CTNNA3: variants seen among roughly 807,000 people sequenced by gnomAD.
CTNNA3 encodes the protein catenin alpha 3, also known as catenin alpha-3.
Under a neutral mutation model 95.7 loss-of-function variants are expected in CTNNA3, and 76 were observed. That is an observed-to-expected ratio of 0.79 (90% confidence interval 0.66 to 0.96). The LOEUF is 0.96. CTNNA3 is among the 40% of genes least tolerant of loss of function. The pLI is 0.00. For missense variants in CTNNA3, 1,191 were observed against 1,089.8 expected (o/e 1.09, Z -1.31); for synonymous variants, 431 against 374.4 (o/e 1.15, Z -1.74).
At chr10:66,676,984 G>C (rs1025599560) in intron 9 of CTNNA3, among the ~76,000 whole-genome samples, 4 of 152,086 alleles carry the variant, frequency 2.6e-5, no homozygotes, top group Admixed American at 6.6e-5. Context: ...GCCACATTCT[G>C]GTGGTACTGA....
intron 7 of CTNNA3, among the ~76,000 whole-genome samples, chr10:66,827,105 C>G (rs953000418): frequency 6.6e-6 from 1 of 152,200 alleles, no homozygotes; most frequent in African/African-American, 2.4e-5. Flanking sequence ...ATGAAGGTGG[C>G]ACAGGCTCCA....
chr10:66,799,530 G>A (rs1441671571), intron 7 of CTNNA3, among the ~76,000 whole-genome samples: 1 of 151,468 alleles, frequency 6.6e-6, no homozygotes, highest in African/African-American at 2.4e-5. Context: ...TAGTAAATCT[G>A]AAGAAAAGTC....
At chr10:67,110,165 C>T (rs1314883850) in intron 7 of CTNNA3, among the ~76,000 whole-genome samples, 1 of 152,176 alleles carries the variant, frequency 6.6e-6, no homozygotes, top group Non-Finnish European at 1.5e-5. Context: ...ACTCATTAGA[C>T]AATAACTACT....
At chr10:67,247,152 T>G (rs1865937896) in intron 5 of CTNNA3, among the ~76,000 whole-genome samples, 1 of 152,140 alleles carries the variant, frequency 6.6e-6, no homozygotes, top group Non-Finnish European at 1.5e-5. Flanking sequence ...TCTAGTCAAA[T>G]AATTTAAGAA....
intron 11 of CTNNA3, among the ~76,000 whole-genome samples, chr10:66,410,807 G>A (rs763656676): frequency 3.3e-5 from 5 of 152,094 alleles, no homozygotes; most frequent in African/African-American, 4.8e-5. Context: ...TTTGGAATGC[G>A]TGCTGTGTTT....
chr10:66,978,526 C>CAAAAAAAAAAAAAAAAAA (rs1170594360), intron 7 of CTNNA3, among the ~76,000 whole-genome samples: 1 of 42,320 alleles, frequency 2.4e-5, no homozygotes, highest in African/African-American at 1.0e-4. Flanking sequence ...GACTCCATCT[C>CAAAAAAAAAAAAAAAAAA]AAAAAAAAAA....
intron 1 of CTNNA3, among the ~76,000 whole-genome samples, chr10:67,740,686 T>C (rs1373594504): frequency 6.6e-6 from 1 of 151,234 alleles, no homozygotes; most frequent in African/African-American, 2.4e-5. Context: ...TGTGGAGAAA[T>C]AGGAACACTT....
intron 9 of CTNNA3, among the ~76,000 whole-genome samples, chr10:66,690,529 C>A (rs10822878): frequency 5.4e-5 from 8 of 148,714 alleles, no homozygotes; most frequent in Non-Finnish European, 7.4e-5. Context: ...CCTGTGTCCA[C>A]GTGTTCTCAT....
chr10:66,879,347 T>C (rs1008492929), intron 7 of CTNNA3, among the ~76,000 whole-genome samples: 3 of 152,124 alleles, frequency 2.0e-5, no homozygotes, highest in Non-Finnish European at 4.4e-5. Context: ...AATATTCATC[T>C]TAAGACTTCT....
chr10:67,204,772 A>G (rs2127596), intron 6 of CTNNA3, among the ~76,000 whole-genome samples: 9,848 of 152,160 alleles, frequency 0.065, 478 homozygotes, highest in African/African-American at 0.13. Context: ...CATGTGAGAG[A>G]TGGAGTTATT....
At chr10:67,517,955 A>C (rs1278014084) in intron 5 of CTNNA3, among the ~76,000 whole-genome samples, 1 of 152,204 alleles carries the variant, frequency 6.6e-6, no homozygotes, top group African/African-American at 2.4e-5. Flanking sequence ...TATGAGAATA[A>C]CAGAAAACAT....
chr10:66,166,438 G>T (rs1450997547), intron 13 of CTNNA3, among the ~76,000 whole-genome samples: 1 of 149,530 alleles, frequency 6.7e-6, no homozygotes, highest in Non-Finnish European at 1.5e-5. Context: ...AGTTTGAACC[G>T]AGCTGAGATC....
chr10:66,810,911 T>C (rs1420776624), intron 7 of CTNNA3, among the ~76,000 whole-genome samples: 1 of 152,164 alleles, frequency 6.6e-6, no homozygotes, highest in Non-Finnish European at 1.5e-5. Context: ...TAGACTGTTA[T>C]ATTAGTCATC....
chr10:67,759,767 C>A (rs903068659), intron 1 of CTNNA3, among the ~76,000 whole-genome samples: 1 of 152,124 alleles, frequency 6.6e-6, no homozygotes, highest in Non-Finnish European at 1.5e-5. Context: ...AACAGCCACA[C>A]GGCAAGGAAA....
intron 17 of CTNNA3, among the ~76,000 whole-genome samples, chr10:65,951,252 C>T (rs1488277887): frequency 2.6e-5 from 4 of 152,068 alleles, no homozygotes; most frequent in Non-Finnish European, 4.4e-5. Flanking sequence ...ATTTGGATAG[C>T]AACTGTGAAG....
chr10:66,441,416 AT>A lies in CTNNA3; in HGVS notation c.1532-62065del, dbSNP rs149967873. Among the ~76,000 whole-genome samples, 38 of 152,326 alleles carry A rather than the reference AT, an allele frequency of 2.5e-4. 1 individual carries two copies. In the East Asian group the frequency reaches 7.3e-3, roughly 29 times the overall value. On this transcript the variant is annotated intron_variant, in intron 11 of 17. Transcript: ENST00000433211. ...TCTGGAGAAAAGGGAAAGGAAGTTC[AT>A]TTGTACAAATTTAGCAAGGTAAAAT...
intron 1 of CTNNA3, among the ~76,000 whole-genome samples, chr10:67,667,244 T>G (rs1840347616): frequency 6.6e-6 from 1 of 152,088 alleles, no homozygotes; most frequent in Non-Finnish European, 1.5e-5. Context: ...CCCTTACAAT[T>G]TATAGGTTCT....
chr10:67,143,548 A>G (rs1860695954), intron 7 of CTNNA3, among the ~76,000 whole-genome samples: 1 of 151,984 alleles, frequency 6.6e-6, no homozygotes, highest in East Asian at 1.9e-4. Flanking sequence ...TGTTTTTTCA[A>G]CTAAGTTTAT....
intron 5 of CTNNA3, among the ~76,000 whole-genome samples, chr10:67,231,761 G>GA (rs777459711): frequency 7.2e-5 from 11 of 152,046 alleles, no homozygotes; most frequent in Non-Finnish European, 2.9e-5. Context: ...TGAAAACTTT[G>GA]AAAAAAATTT....
Sources: gnomAD v4.1 joint callset for allele counts (sites outside exome capture counted in the v4.1 genomes callset) on GRCh38, gnomAD v4.1.1 for gene constraint, MANE v1.5 for transcripts, NCBI Gene and HGNC (gene_info 2026-07-23, HGNC 2026-07-21) for gene names.